Variants in TPST1 observed in about 807,000 individuals in gnomAD.
The protein encoded by TPST1 is protein-tyrosine sulfotransferase 1.
A neutral mutation model predicts 34.8 loss-of-function variants in TPST1; 20 were observed. The ratio of observed to expected loss-of-function variants is 0.57; its 90% CI spans 0.40 to 0.84. TPST1 has a LOEUF of 0.84. TPST1 is among the 40% of genes least tolerant of loss of function. The pLI, the probability that TPST1 is intolerant of heterozygous loss-of-function variation, is 0.00. For missense variants in TPST1, 353 were observed against 455.5 expected (o/e 0.78, Z 2.05); for synonymous variants, 152 against 159.4 (o/e 0.95, Z 0.35).
At chr7:66,237,748 G>T (rs1199936042) in intron 1 of TPST1, among the ~76,000 whole-genome samples, 1 of 152,122 alleles carries the variant, frequency 6.6e-6, no homozygotes, top group Non-Finnish European at 1.5e-5. Context: ...GGGAGAGAAA[G>T]AGACTGATTT....
At chr7:66,262,366 G>A (rs562285299) in intron 2 of TPST1, among the ~76,000 whole-genome samples, 3 of 152,170 alleles carry the variant, frequency 2.0e-5, no homozygotes, top group African/African-American at 7.2e-5. Context: ...AGAAAATTTG[G>A]GATGCCTTTT....
chr7:66,209,691 C>T (rs954718357), intron 1 of TPST1, among the ~76,000 whole-genome samples: 1 of 152,194 alleles, frequency 6.6e-6, no homozygotes, highest in African/African-American at 2.4e-5. Context: ...GTCTCTTCAT[C>T]TCTACTGTCA....
chr7:66,349,948 T>A (rs556856086), intron 3 of TPST1, among the ~76,000 whole-genome samples: 1 of 152,262 alleles, frequency 6.6e-6, no homozygotes, highest in South Asian at 2.1e-4. Flanking sequence ...GATACACAGC[T>A]CCCAGGGCTT....
At chr7:66,352,968 C>A in intron 4 of TPST1, 2 of 985,330 alleles carry the variant, frequency 2.0e-6, no homozygotes, top group Non-Finnish European at 2.4e-6. Flanking sequence ...ATTTGGAGCC[C>A]AGATGACTTA....
chr7:66,272,477 C>G (rs1562823826), intron 2 of TPST1, among the ~76,000 whole-genome samples: 1 of 151,746 alleles, frequency 6.6e-6, no homozygotes. Context: ...TATGTCAACA[C>G]AATAAAGACT....
intron 2 of TPST1, among the ~76,000 whole-genome samples, chr7:66,283,149 T>C (rs1474653084): frequency 1.3e-5 from 2 of 152,020 alleles, no homozygotes; most frequent in African/African-American, 4.8e-5. Context: ...AATCCCCAGC[T>C]ACTCAGGAGG....
chr7:66,294,352 C>G (rs1482944801), intron 3 of TPST1, among the ~76,000 whole-genome samples: 1 of 152,142 alleles, frequency 6.6e-6, no homozygotes, highest in Non-Finnish European at 1.5e-5. Context: ...CAGTGTCCTT[C>G]CCTCCCTACA....
rs202108010 is a variant in TPST1, at chr7:66,352,470, G to T, written c.1045-35G>T. On this transcript the variant is annotated intron_variant, in intron 3 of 5. Transcript: ENST00000304842. Reference sequence around the variant, plus strand: ...TCCTGCAATGATGGGGACTGGACCTGTTGCCTTAAACTCACGCCTGCTTTG... The same window carrying T: ...TCCTGCAATGATGGGGACTGGACCTTTTGCCTTAAACTCACGCCTGCTTTG... 2.5e-6 allele frequency: 4 copies of T among 1,606,410 alleles called. No homozygotes were observed. In the African/African-American group the frequency reaches 4.0e-5, roughly 16 times the overall value.
At chr7:66,224,843 T>C (rs911925646) in intron 1 of TPST1, among the ~76,000 whole-genome samples, 4 of 151,594 alleles carry the variant, frequency 2.6e-5, no homozygotes, top group African/African-American at 9.7e-5. Context: ...TTTATTGCAG[T>C]GTTTCAGTGC....
chr7:66,239,626 G>A (rs1979823), intron 1 of TPST1, among the ~76,000 whole-genome samples: 136,541 of 152,272 alleles, frequency 0.9, 61,395 homozygotes, highest in African/African-American at 0.94. Flanking sequence ...CTGCTTGGAG[G>A]TAAAGCAAGT....
At chr7:66,358,870 C>T (rs552303816) in intron 5 of TPST1, among the ~76,000 whole-genome samples, 2 of 152,294 alleles carry the variant, frequency 1.3e-5, no homozygotes, top group South Asian at 2.1e-4. Flanking sequence ...TAGGATGGAC[C>T]GCATCAGCAG....
chr7:66,250,399 A>G (rs1562814902), intron 2 of TPST1, among the ~76,000 whole-genome samples: 1 of 152,182 alleles, frequency 6.6e-6, no homozygotes. Context: ...TATGAAGACA[A>G]ACTAAAACAG....
intron 1 of TPST1, among the ~76,000 whole-genome samples, chr7:66,228,150 G>T (rs1315789403): frequency 6.6e-6 from 1 of 152,126 alleles, no homozygotes; most frequent in African/African-American, 2.4e-5. Context: ...AATACTGGGA[G>T]TATTTTAATG....
intron 2 of TPST1, among the ~76,000 whole-genome samples, chr7:66,261,232 C>CTTT (rs36114007): frequency 1.8e-3 from 227 of 126,654 alleles, no homozygotes; most frequent in African/African-American, 6.1e-3. Context: ...CGTATATTGT[C>CTTT]TTTTTTTTTT....
Position 66,286,497 on chromosome 7 carries a change from T to TA in TPST1, c.846-13dup. The TA allele has an allele frequency of 6.5e-7, 1 of 1,534,662 alleles. No homozygotes were observed. Among genetic ancestry groups the TA allele is most frequent in the Non-Finnish European group, 8.8e-7 (1 of 1,141,410 alleles). On this transcript the variant is annotated splice_polypyrimidine_tract_variant and intron_variant, in intron 2 of 5. Transcript: ENST00000304842. ...ATTTTAAATAAATATTTATTCATAT[T>TA]ATGTTGTTTTCAGAGTGGAGAGATC...
chr7:66,248,560 A>G (rs1315458147), intron 2 of TPST1, among the ~76,000 whole-genome samples: 4 of 148,216 alleles, frequency 2.7e-5, no homozygotes, highest in East Asian at 2.0e-4. Context: ...CTGGAGTGCA[A>G]TGGCATGATC....
intron 3 of TPST1, among the ~76,000 whole-genome samples, chr7:66,341,988 A>C (rs75484104): frequency 0.015 from 2,220 of 152,138 alleles, 61 homozygotes; most frequent in East Asian, 0.094. Flanking sequence ...GAGATGACTT[A>C]GAGAGAAAAG....
intron 3 of TPST1, among the ~76,000 whole-genome samples, chr7:66,336,589 G>GACCTAC (rs1164285130): frequency 6.6e-6 from 1 of 152,096 alleles, no homozygotes; most frequent in Non-Finnish European, 1.5e-5. Context: ...GGGTAAAGAA[G>GACCTAC]ACCTACAAGA....
At chr7:66,227,028 C>CTTTTTTTTTTTTTGTTT (rs1789670792) in intron 1 of TPST1, among the ~76,000 whole-genome samples, 1 of 69,200 alleles carries the variant, frequency 1.4e-5, no homozygotes, top group African/African-American at 6.7e-5. Flanking sequence ...TTAAAATAAG[C>CTTTTTTTTTTTTTGTTT]TTTTTTTTTT....
Sources: allele counts gnomAD v4.1 joint callset (sites outside exome capture counted in the v4.1 genomes callset), GRCh38; gene constraint gnomAD v4.1.1; transcripts MANE v1.5; gene names NCBI Gene and HGNC (gene_info 2026-07-23, HGNC 2026-07-21).